Variants in MYH10 observed in about 807,000 individuals in gnomAD.
MYH10 encodes myosin-10.
Under a neutral mutation model 257.8 loss-of-function variants are expected in MYH10, and 55 were observed. The ratio of observed to expected loss-of-function variants is 0.21; its 90% confidence interval spans 0.17 to 0.27. The LOEUF (loss-of-function observed/expected upper bound fraction) is 0.27. MYH10 is among the 10% of genes least tolerant of loss of function. MYH10 has a pLI of 1.00. For synonymous variants in MYH10, 854 were observed against 921.7 expected, an observed-to-expected ratio of 0.93 and a Z score of 1.33; for missense variants, 1,631 against 2,500.6, an observed-to-expected ratio of 0.65 and a Z score of 7.42.
chr17:8,615,019 A>G (rs2085200904), intron 2 of MYH10, among the ~76,000 whole-genome samples: 1 of 152,226 alleles, frequency 6.6e-6, no homozygotes, highest in Admixed American at 6.5e-5. Flanking sequence ...CAAGGCCAGG[A>G]GCAGTGGCTC....
chr17:8,493,258 C>T (rs971233966), intron 32 of MYH10, among the ~76,000 whole-genome samples: 3 of 151,616 alleles, frequency 2.0e-5, no homozygotes, highest in Non-Finnish European at 2.9e-5. Flanking sequence ...GTGGGAGGAT[C>T]ACTTGAGCCC....
At chr17:8,484,776 C>T (rs959977766) in intron 36 of MYH10, among the ~76,000 whole-genome samples, 4 of 152,300 alleles carry the variant, frequency 2.6e-5, no homozygotes, top group Admixed American at 6.5e-5. Context: ...AAATGCTCAA[C>T]AAGCTATGAA....
chr17:8,500,960 CA>C lies in MYH10; in HGVS notation c.3609del (p.Glu1204AsnfsTer7). On this transcript the variant is annotated frameshift_variant, in exon 29 of 43. Transcript: ENST00000360416. LOFTEE classifies it high-confidence loss of function. ...TTCTTCAGCTCTGCCACTTCTTGTT[CA>C]CGTTTTGTACTAGAGAAGGACATTT... Reference protein sequence around the residue: ...TAAQQELRTKREQEVAELKKA... With the variant: ...TAAQQELRTKXEQEVAELKKA... 2 of 1,613,792 alleles carry C rather than the reference CA, an allele frequency of 1.2e-6. No individual in the cohort carries two copies. Among genetic ancestry groups the C allele is most frequent in the Non-Finnish European group, 1.7e-6 (2 of 1,179,948 alleles).
chr17:8,618,819 T>A (rs1438458791), intron 2 of MYH10, among the ~76,000 whole-genome samples: 3 of 152,230 alleles, frequency 2.0e-5, no homozygotes, highest in Non-Finnish European at 4.4e-5. Flanking sequence ...TTTTTAAGTA[T>A]TGACATGCTG....
intron 2 of MYH10, among the ~76,000 whole-genome samples, chr17:8,609,630 T>G (rs2084949365): frequency 2.0e-5 from 3 of 152,114 alleles, no homozygotes; most frequent in African/African-American, 7.2e-5. Context: ...CAGAAAAGAC[T>G]GTAAGGAATC....
chr17:8,591,787 A>G (rs748086282), intron 3 of MYH10, among the ~76,000 whole-genome samples: 44 of 152,092 alleles, frequency 2.9e-4, no homozygotes, highest in Non-Finnish European at 5.1e-4. Flanking sequence ...CCTGTCAAAC[A>G]ACAACAAAAA....
At chr17:8,628,211 T>A (rs977354776) in intron 1 of MYH10, among the ~76,000 whole-genome samples, 1 of 152,130 alleles carries the variant, frequency 6.6e-6, no homozygotes, top group Non-Finnish European at 1.5e-5. Flanking sequence ...ATAAAGATGG[T>A]CTGAGGGTTA....
intron 20 of MYH10, 24 bp downstream of exon 20, chr17:8,518,857 A>C (rs755318731): frequency 6.2e-7 from 1 of 1,603,086 alleles, no homozygotes; most frequent in East Asian, 2.2e-5. Context: ...TCTACAAGCC[A>C]GAAAAAGATC....
intron 2 of MYH10, among the ~76,000 whole-genome samples, chr17:8,608,065 G>C (rs1258452060): frequency 6.6e-6 from 1 of 152,192 alleles, no homozygotes; most frequent in African/African-American, 2.4e-5. Flanking sequence ...ACTCGAGGCA[G>C]TGCGAGAAGA....
intron 42 of MYH10, among the ~76,000 whole-genome samples, 180 bp from the exon 43 acceptor site, chr17:8,476,128 C>G (rs1053931969): frequency 3.9e-5 from 6 of 152,220 alleles, no homozygotes; most frequent in Admixed American, 1.3e-4. Context: ...CTCCCACAAC[C>G]CTGCCTGCAG....
intron 36 of MYH10, among the ~76,000 whole-genome samples, chr17:8,484,950 A>G (rs1193515831): frequency 6.6e-6 from 1 of 152,252 alleles, no homozygotes; most frequent in Non-Finnish European, 1.5e-5. Flanking sequence ...TAGAGATTCT[A>G]GCCAGGGTAA....
Position 8,506,226 on chromosome 17 carries a change from T to A in MYH10, c.3386+92A>T. 1.5e-6 allele frequency: 2 copies of A among 1,335,896 alleles called. No individual in the cohort carries two copies. Among genetic ancestry groups the A allele is most frequent in the Non-Finnish European group, 2.0e-6 (2 of 1,003,468 alleles). The allele number at this position is 1,335,896 out of a possible 1,614,324, so 82.8% of individuals were successfully genotyped here. A position where few individuals can be genotyped will look rare whatever the true frequency, so the allele number is the denominator to read the frequency against. ...ACAGCAAGCAAACCCCATCTCACTCTCCCAGGGTTTTTGAATGCTCCCGAA... is the reference window on the plus strand; with the variant it reads ...ACAGCAAGCAAACCCCATCTCACTCACCCAGGGTTTTTGAATGCTCCCGAA... On this transcript the variant is annotated intron_variant, in intron 27 of 42. Coordinates refer to ENST00000360416, the MANE Select transcript of MYH10 (RefSeq NM_001256012.3). The surrounding 1 kb of genome is among the most constrained non-coding windows in gnomAD (Gnocchi z 5.0).
chr17:8,520,943 C>CT lies in MYH10; in HGVS notation c.2207_2208insA (p.Glu737GlyfsTer12), dbSNP rs2081633986. 6.2e-7 allele frequency: 1 copy of CT among 1,613,834 alleles called. No homozygotes were observed. ...CCTGGCGACAGATTCGGATCCCTTC[C>CT]AGGACACCGTTACAGCGAAGCTGAT... On this transcript the variant is annotated frameshift_variant, in exon 19 of 43. Transcript: ENST00000360416. LOFTEE classifies it high-confidence loss of function.
At chr17:8,533,403 CTA>C (rs1477228076) in intron 16 of MYH10, among the ~76,000 whole-genome samples, 1 of 152,174 alleles carries the variant, frequency 6.6e-6, no homozygotes, top group African/African-American at 2.4e-5. Flanking sequence ...TCCTCCTGAG[CTA>C]TGATTTTCCA....
At chr17:8,556,387 G>A (rs2082798288) in intron 7 of MYH10, among the ~76,000 whole-genome samples, 1 of 152,214 alleles carries the variant, frequency 6.6e-6, no homozygotes. Flanking sequence ...ACTGGTGAAT[G>A]GATGAAGAAA....
chr17:8,499,237 G>A (rs1225453614), intron 30 of MYH10, 33 bp downstream of exon 30: 4 of 1,594,386 alleles, frequency 2.5e-6, no homozygotes, highest in Admixed American at 3.4e-5. Flanking sequence ...ATGCTACAGT[G>A]GGACGTGTGT....
At chr17:8,602,061 C>T (rs1269985163) in intron 3 of MYH10, among the ~76,000 whole-genome samples, 2 of 151,066 alleles carry the variant, frequency 1.3e-5, no homozygotes, top group African/African-American at 2.4e-5. Flanking sequence ...CTGCAAACTG[C>T]GCCTCCCGGG....
intron 37 of MYH10, among the ~76,000 whole-genome samples, chr17:8,481,669 C>A (rs556248632): frequency 6.6e-6 from 1 of 152,164 alleles, no homozygotes; most frequent in Non-Finnish European, 1.5e-5. Context: ...TCACCTCCAA[C>A]GTAAGAGGTG....
chr17:8,537,758 A>T (rs929980776), intron 14 of MYH10, among the ~76,000 whole-genome samples: 3 of 152,182 alleles, frequency 2.0e-5, no homozygotes, highest in African/African-American at 7.2e-5. Flanking sequence ...TTTCTAAATG[A>T]CTTGGTGACA....
Sources: gnomAD v4.1 joint callset for allele counts (sites outside exome capture counted in the v4.1 genomes callset) on GRCh38, gnomAD v4.1.1 for gene constraint, Gnocchi (gnomAD v3.1) non-coding constraint, MANE v1.5 for transcripts, NCBI Gene and HGNC (gene_info 2026-07-23, HGNC 2026-07-21) for gene names.